The following PRKACB variants were observed in gnomAD, a reference collection of about 807,000 sequenced individuals.
PRKACB encodes cAMP-dependent protein kinase catalytic subunit beta.
A neutral mutation model predicts 51.4 loss-of-function variants in PRKACB; 16 were observed. The observed-to-expected ratio is 0.31, with a 90% CI of 0.21 to 0.47. PRKACB has a LOEUF of 0.47. PRKACB is among the 20% of genes least tolerant of loss of function. The pLI, the probability that PRKACB is intolerant of heterozygous loss-of-function variation, is 1.00. For synonymous variants in PRKACB, 147 were observed against 154.4 expected (o/e 0.95, Z 0.35); for missense variants, 309 against 464.5 (o/e 0.67, Z 3.08).
chr1:84,133,516 A>G (rs1328308199), intron 1 of PRKACB, among the ~76,000 whole-genome samples: 4 of 152,354 alleles, frequency 2.6e-5, no homozygotes, highest in East Asian at 3.9e-4. Flanking sequence ...TGATAATGAA[A>G]CAGGAAGTTT....
intron 5 of PRKACB, among the ~76,000 whole-genome samples, chr1:84,192,620 G>T (rs796210977): frequency 1.4e-4 from 21 of 152,184 alleles, no homozygotes; most frequent in African/African-American, 4.1e-4. Flanking sequence ...AAGGGAACTT[G>T]TCTCCGCTAG....
chr1:84,207,735 C>G (rs923637084), intron 8 of PRKACB, among the ~76,000 whole-genome samples: 3 of 152,148 alleles, frequency 2.0e-5, no homozygotes, highest in Non-Finnish European at 4.4e-5. Flanking sequence ...GATCATTTCT[C>G]CTGCCAATAA....
chr1:84,114,522 T>C (rs924622964), intron 1 of PRKACB, among the ~76,000 whole-genome samples: 2 of 152,124 alleles, frequency 1.3e-5, no homozygotes, highest in Non-Finnish European at 2.9e-5. Flanking sequence ...ATGTATGTAA[T>C]TTATAGTGAT....
intron 9 of PRKACB, among the ~76,000 whole-genome samples, chr1:84,215,482 T>C (rs755465639): frequency 2.6e-5 from 4 of 152,182 alleles, no homozygotes; most frequent in Non-Finnish European, 5.9e-5. Flanking sequence ...GTTTGGTCTT[T>C]TGTTTGACTC....
At chr1:84,086,445 C>T (rs931383777) in intron 1 of PRKACB, among the ~76,000 whole-genome samples, 1 of 152,074 alleles carries the variant, frequency 6.6e-6, no homozygotes, top group Non-Finnish European at 1.5e-5. Context: ...CGTCCCCTCC[C>T]TCTAGGGCCT....
chr1:84,175,843 CTATT>C (rs1661059654), intron 1 of PRKACB: 2 of 1,432,406 alleles, frequency 1.4e-6, no homozygotes, highest in Non-Finnish European at 1.9e-6. Context: ...ATGTGATAGA[CTATT>C]TAAATCATAC....
intron 8 of PRKACB, among the ~76,000 whole-genome samples, chr1:84,203,107 T>A (rs2101443879): frequency 6.6e-6 from 1 of 152,160 alleles, no homozygotes; most frequent in South Asian, 2.1e-4. Context: ...AATAGTTTAT[T>A]ATTTCATGTG....
At chr1:84,175,902 A>G in intron 1 of PRKACB, 1 of 1,046,288 alleles carries the variant, frequency 9.6e-7, no homozygotes, top group Non-Finnish European at 1.3e-6. Context: ...TTTGGGAATA[A>G]ATTAATTTTT....
intron 1 of PRKACB, among the ~76,000 whole-genome samples, chr1:84,150,094 G>A (rs1654647047): frequency 6.6e-6 from 1 of 151,868 alleles, no homozygotes; most frequent in South Asian, 2.1e-4. Flanking sequence ...GTGAAACCCT[G>A]TCTCTACTAA....
intron 1 of PRKACB, among the ~76,000 whole-genome samples, chr1:84,117,918 T>C (rs1650761121): frequency 6.6e-6 from 1 of 152,318 alleles, no homozygotes; most frequent in East Asian, 1.9e-4. Flanking sequence ...ATAATGAGCA[T>C]TTATTGCTGC....
chr1:84,216,721 A>G (rs527735287), intron 9 of PRKACB, among the ~76,000 whole-genome samples: 1 of 152,252 alleles, frequency 6.6e-6, no homozygotes, highest in South Asian at 2.1e-4. Flanking sequence ...CATTTTCCCC[A>G]TTTTACTGAT....
intron 1 of PRKACB, among the ~76,000 whole-genome samples, chr1:84,133,494 C>T (rs1046359869): frequency 6.6e-5 from 10 of 152,144 alleles, no homozygotes; most frequent in Non-Finnish European, 1.5e-4. Flanking sequence ...ACAGTAGGAA[C>T]AACATGCTGG....
rs79095567 is a variant in PRKACB at position 84,083,468 on chromosome 1, A to C, written c.46+5097A>C. ...AGATTGTTGCTTTTTCATTGCCAGC[A>C]GCAGGATAATTAGAGGCATGAAAGC... On this transcript the variant is annotated intron_variant, in intron 1 of 8. Coordinates refer to the PRKACB transcript ENST00000370688. Among the ~76,000 whole-genome samples, 339 of 152,318 alleles carry C rather than the reference A, an allele frequency of 2.2e-3. 1 individual carries two copies. The highest frequency in any genetic ancestry group is 7.9e-3 in the African/African-American group (328 of 41,558).
chr1:84,180,395 T>C (rs1199456252), intron 2 of PRKACB, among the ~76,000 whole-genome samples: 1 of 150,860 alleles, frequency 6.6e-6, no homozygotes, highest in Middle Eastern at 3.4e-3. Flanking sequence ...AAGAATGATA[T>C]AATGGACTTT....
At chr1:84,105,080 A>AC (rs888699991) in intron 1 of PRKACB, among the ~76,000 whole-genome samples, 1 of 152,242 alleles carries the variant, frequency 6.6e-6, no homozygotes, top group African/African-American at 2.4e-5. Context: ...TTAGCAGAGC[A>AC]CAGCTGACTG....
At chr1:84,104,423 T>A (rs1649578048) in intron 1 of PRKACB, among the ~76,000 whole-genome samples, 1 of 152,202 alleles carries the variant, frequency 6.6e-6, no homozygotes, top group Non-Finnish European at 1.5e-5. Context: ...TTGATTATTG[T>A]GAATAGTGCT....
At chr1:84,119,553 AG>A (rs1650891558) in intron 1 of PRKACB, among the ~76,000 whole-genome samples, 1 of 152,114 alleles carries the variant, frequency 6.6e-6, no homozygotes. Context: ...CTACCCAAAA[AG>A]AGAGATCTAA....
chr1:84,185,480 A>T (rs982050982), intron 5 of PRKACB, among the ~76,000 whole-genome samples: 2 of 151,884 alleles, frequency 1.3e-5, no homozygotes, highest in African/African-American at 4.8e-5. Flanking sequence ...ATTTTAAAAT[A>T]TCAATATTTA....
intron 1 of PRKACB, among the ~76,000 whole-genome samples, chr1:84,137,982 G>A (rs1416248339): frequency 1.3e-5 from 2 of 152,174 alleles, no homozygotes; most frequent in Non-Finnish European, 2.9e-5. Flanking sequence ...ATAGGCAAAT[G>A]TTAGTATACA....
Sources: allele counts gnomAD v4.1 joint callset (sites outside exome capture counted in the v4.1 genomes callset), GRCh38; gene constraint gnomAD v4.1.1; transcripts MANE v1.5; gene names NCBI Gene and HGNC (gene_info 2026-07-23, HGNC 2026-07-21).